Variants in KLHL1 observed in about 807,000 individuals in gnomAD.
KLHL1 encodes the protein kelch-like protein 1.
A neutral mutation model predicts 77.7 loss-of-function variants in KLHL1; 47 were observed. The observed-to-expected ratio is 0.60, with a 90% CI of 0.48 to 0.77. The LOEUF is 0.77. Ranked by LOEUF, KLHL1 falls within the 30% of genes least tolerant of loss-of-function variation. The pLI is 0.00. For missense variants in KLHL1, 925 were observed against 910.8 expected (o/e 1.02, Z -0.20); for synonymous variants, 360 against 325.2 (o/e 1.11, Z -1.15).
chr13:69,871,513 T>G (rs1880586048), intron 5 of KLHL1, among the ~76,000 whole-genome samples: 1 of 152,278 alleles, frequency 6.6e-6, no homozygotes, highest in African/African-American at 2.4e-5. Flanking sequence ...CAGGCTCAAA[T>G]TTTCCAAAAT....
At chr13:69,832,340 CTT>C (rs1878794156) in intron 6 of KLHL1, among the ~76,000 whole-genome samples, 1 of 149,802 alleles carries the variant, frequency 6.7e-6, no homozygotes, top group South Asian at 2.1e-4. Context: ...GAAATCAACT[CTT>C]TTTAAAATAG....
At position 70,054,987 on chromosome 13, in the gene KLHL1, A is replaced by T. The variant is rs112723085; in HGVS notation, c.497+52216T>A. Among the ~76,000 whole-genome samples the T allele has an allele frequency of 5.4e-3, 792 of 147,450 alleles. 10 individuals are homozygous for T. Among genetic ancestry groups the T allele is most frequent in the Middle Eastern group, 0.018 (5 of 284 alleles). On this transcript the variant is annotated intron_variant, in intron 1 of 10. Coordinates refer to ENST00000377844, the MANE Select transcript of KLHL1 (RefSeq NM_020866.3). ...TTGGCCTTAGGGAGGAGATAGAGACATAAATTGGGGTTAAAAAGTTTATTC... is the reference window on the plus strand; with the variant it reads ...TTGGCCTTAGGGAGGAGATAGAGACTTAAATTGGGGTTAAAAAGTTTATTC...
chr13:69,883,111 C>T (rs576377803), intron 4 of KLHL1, among the ~76,000 whole-genome samples: 1 of 152,284 alleles, frequency 6.6e-6, no homozygotes, highest in East Asian at 1.9e-4. Context: ...CTCCTAATTA[C>T]ACTGCCTAAC....
chr13:69,857,417 C>G (rs530349303), intron 5 of KLHL1, among the ~76,000 whole-genome samples: 2 of 152,002 alleles, frequency 1.3e-5, no homozygotes, highest in African/African-American at 2.4e-5. Context: ...GTCTCTGTCT[C>G]CCCCTAGTGG....
intron 1 of KLHL1, among the ~76,000 whole-genome samples, chr13:70,100,704 C>A (rs919826670): frequency 1.3e-5 from 2 of 152,184 alleles, no homozygotes; most frequent in African/African-American, 4.8e-5. Flanking sequence ...TTATCTGTAT[C>A]TTCATCAGAT....
At chr13:70,086,179 T>C (rs1017169070) in intron 1 of KLHL1, among the ~76,000 whole-genome samples, 1 of 151,238 alleles carries the variant, frequency 6.6e-6, no homozygotes, top group Admixed American at 6.6e-5. Flanking sequence ...CAACATGGAG[T>C]GTCAGGAAGC....
At chr13:69,894,985 C>T (rs1220005110) in intron 4 of KLHL1, 3 of 497,480 alleles carry the variant, frequency 6.0e-6, no homozygotes, top group Non-Finnish European at 1.2e-5. Context: ...GTGTTCTGAG[C>T]TCACAAATGT....
intron 7 of KLHL1, among the ~76,000 whole-genome samples, chr13:69,753,341 C>A (rs983634514): frequency 3.3e-5 from 5 of 152,100 alleles, no homozygotes; most frequent in Admixed American, 6.6e-5. Flanking sequence ...ACTCAGGAAT[C>A]GAGTCAGGAA....
At chr13:70,054,624 A>G in intron 1 of KLHL1, among the ~76,000 whole-genome samples, 1 of 152,170 alleles carries the variant, frequency 6.6e-6, no homozygotes, top group African/African-American at 2.4e-5. Context: ...TCAGACAGAG[A>G]GTTTAAAATA....
intron 1 of KLHL1, among the ~76,000 whole-genome samples, chr13:70,088,699 A>G (rs1887603505): frequency 6.6e-6 from 1 of 152,068 alleles, no homozygotes; most frequent in Non-Finnish European, 1.5e-5. Context: ...CAAACAAATA[A>G]ATAAAATAAA....
At chr13:70,000,767 C>T (rs1445671031) in intron 1 of KLHL1, among the ~76,000 whole-genome samples, 1 of 151,284 alleles carries the variant, frequency 6.6e-6, no homozygotes, top group African/African-American at 2.4e-5. Context: ...CTGTAAAATA[C>T]AGCTACAATG....
chr13:69,701,891 T>A, intron 10 of KLHL1, 130 bp from the exon 11 acceptor site: 1 of 593,522 alleles, frequency 1.7e-6, no homozygotes, highest in Non-Finnish European at 2.7e-6. Context: ...CCAGAAGTAG[T>A]ACAGTAAAAA....
At chr13:70,033,746 AG>A (rs1886174567) in intron 1 of KLHL1, among the ~76,000 whole-genome samples, 1 of 149,170 alleles carries the variant, frequency 6.7e-6, no homozygotes, top group Admixed American at 6.7e-5. Flanking sequence ...CAGCCTCTAG[AG>A]CAGCTGGAAT....
intron 1 of KLHL1, among the ~76,000 whole-genome samples, chr13:70,068,115 G>A (rs1288033709): frequency 6.6e-6 from 1 of 151,810 alleles, no homozygotes; most frequent in African/African-American, 2.4e-5. Flanking sequence ...GCCGAGGCGG[G>A]CGGATCACGA....
intron 4 of KLHL1, among the ~76,000 whole-genome samples, chr13:69,930,265 A>G (rs56161743): frequency 0.058 from 8,764 of 151,960 alleles, 431 homozygotes; most frequent in African/African-American, 0.13. Flanking sequence ...AAGTGCATCC[A>G]TTTACTATGA....
chr13:69,839,319 A>G (rs4412872), intron 5 of KLHL1, among the ~76,000 whole-genome samples, 157 bp from the exon 6 acceptor site: 12,282 of 151,988 alleles, frequency 0.081, 939 homozygotes, highest in African/African-American at 0.2. Flanking sequence ...ATAAAAATGT[A>G]TAAAATGAAT....
At position 69,924,190 on chromosome 13, in the gene KLHL1, T is replaced by C. The variant is rs541826182; in HGVS notation, c.1014+15850A>G. Among the ~76,000 whole-genome samples the C allele has an allele frequency of 8.5e-5, 13 of 152,218 alleles. No individual in the cohort carries two copies. The East Asian group carries it at 9.7e-4, about 11-fold the overall frequency. ...CTCAGCACAAACAGCCTGGGCACCA[T>C]TGATGACAGCAGAAAGCAGACAGGC... is the stretch of plus-strand genomic sequence containing the variant. On this transcript the variant is annotated intron_variant, in intron 4 of 10. Transcript: ENST00000377844.
At chr13:69,857,062 G>A (rs1462644635) in intron 5 of KLHL1, among the ~76,000 whole-genome samples, 1 of 151,936 alleles carries the variant, frequency 6.6e-6, no homozygotes, top group African/African-American at 2.4e-5. Context: ...GAACCTGATA[G>A]AACACTGTAT....
At chr13:70,043,209 T>C (rs1886418083) in intron 1 of KLHL1, among the ~76,000 whole-genome samples, 1 of 151,964 alleles carries the variant, frequency 6.6e-6, no homozygotes, top group African/African-American at 2.4e-5. Flanking sequence ...CAGCCATGTG[T>C]CTTATATTTT....
Sources: allele counts gnomAD v4.1 joint callset (sites outside exome capture counted in the v4.1 genomes callset), GRCh38; gene constraint gnomAD v4.1.1; transcripts MANE v1.5; gene names NCBI Gene and HGNC (gene_info 2026-07-23, HGNC 2026-07-21).